The following GALNTL6 variants were observed in gnomAD, a reference collection of about 807,000 sequenced individuals.
The protein encoded by GALNTL6 is polypeptide N-acetylgalactosaminyltransferase-like 6.
Under a neutral mutation model 73.7 loss-of-function variants are expected in GALNTL6, and 46 were observed. The ratio of observed to expected loss-of-function variants is 0.62; its 90% CI spans 0.49 to 0.80. GALNTL6 has a LOEUF of 0.80. Among genes scored for constraint, GALNTL6 ranks in the 30% least tolerant of loss-of-function variants. GALNTL6 has a pLI of 0.00. For synonymous variants in GALNTL6, 259 were observed against 263.7 expected, an observed-to-expected ratio of 0.98 and a Z score of 0.17; for missense variants, 604 against 755.0, an observed-to-expected ratio of 0.80 and a Z score of 2.34.
intron 5 of GALNTL6, among the ~76,000 whole-genome samples, chr4:172,613,557 T>C (rs1026092391): frequency 6.6e-6 from 1 of 151,972 alleles, no homozygotes; most frequent in African/African-American, 2.4e-5. Context: ...TAAGACATGA[T>C]CTAATTTACA....
Position 172,067,688 on chromosome 4 carries a change from C to A in GALNTL6, c.139-161968C>A, listed in dbSNP as rs192364923. Among the ~76,000 whole-genome samples, 7 of 110,540 alleles carry A rather than the reference C, an allele frequency of 6.3e-5. 3 individuals carry two copies. The highest frequency in any genetic ancestry group is 6.8e-5 in the African/African-American group (2 of 29,302). 72.5% of individuals were successfully genotyped at this position (110,540 alleles called of 152,430 possible). A position where few individuals can be genotyped will look rare whatever the true frequency, so the allele number is the denominator to read the frequency against. On this transcript the variant is annotated intron_variant, in intron 2 of 12. Transcript: ENST00000506823. ...ACTTTAACTTTCACTGTTACCCACA[C>A]AATGGGTGGGTTCTATCCTTTGGTG... is the stretch of plus-strand genomic sequence containing the variant.
chr4:171,973,733 A>G (rs992557023), intron 2 of GALNTL6, among the ~76,000 whole-genome samples: 1 of 152,196 alleles, frequency 6.6e-6, no homozygotes, highest in Admixed American at 6.5e-5. Context: ...GAGCAGTGTT[A>G]AAACTTTTGC....
At chr4:172,155,244 C>T (rs1232612314) in intron 2 of GALNTL6, among the ~76,000 whole-genome samples, 14 of 152,090 alleles carry the variant, frequency 9.2e-5, no homozygotes, top group African/African-American at 3.4e-4. Context: ...GTGATCCACC[C>T]GCCTCAGGCT....
At chr4:172,168,010 A>G (rs902766470) in intron 2 of GALNTL6, among the ~76,000 whole-genome samples, 9 of 151,964 alleles carry the variant, frequency 5.9e-5, no homozygotes, top group Admixed American at 3.3e-4. Context: ...GCCAAATCCA[A>G]TGATTCTGTT....
intron 5 of GALNTL6, among the ~76,000 whole-genome samples, chr4:172,645,095 G>A (rs1250206725): frequency 6.6e-6 from 1 of 151,936 alleles, no homozygotes; most frequent in African/African-American, 2.4e-5. Flanking sequence ...CTAGACAGAA[G>A]TCCAGTCCTT....
chr4:172,913,356 G>A (rs999851958), intron 8 of GALNTL6, among the ~76,000 whole-genome samples: 5 of 152,130 alleles, frequency 3.3e-5, no homozygotes, highest in Non-Finnish European at 5.9e-5. Flanking sequence ...GCAGCTCCTC[G>A]CCAGCAACAG....
At chr4:172,558,302 A>G (rs962102721) in intron 5 of GALNTL6, among the ~76,000 whole-genome samples, 1 of 152,236 alleles carries the variant, frequency 6.6e-6, no homozygotes, top group African/African-American at 2.4e-5. Flanking sequence ...GGTGTAAGTT[A>G]AATGAGGGGT....
intron 5 of GALNTL6, among the ~76,000 whole-genome samples, chr4:172,490,654 A>C (rs996112950): frequency 6.6e-6 from 1 of 152,156 alleles, no homozygotes; most frequent in Non-Finnish European, 1.5e-5. Context: ...ATACAATGAA[A>C]TATTCATTTA....
chr4:172,481,093 G>C (rs537751270), intron 5 of GALNTL6, among the ~76,000 whole-genome samples: 4 of 152,152 alleles, frequency 2.6e-5, no homozygotes, highest in African/African-American at 7.2e-5. Flanking sequence ...TGTGTCCGGA[G>C]TTTGTTACTT....
At position 172,755,626 on chromosome 4, in the gene GALNTL6, A is replaced by T. The variant is rs368769175; in HGVS notation, c.554-53735A>T. 6.6e-5 allele frequency among the ~76,000 whole-genome samples: 10 copies of T among 152,356 alleles called. No individual in the cohort carries two copies. In the East Asian group the frequency reaches 1.3e-3, roughly 21 times the overall value. ...ATTTTTAAAATATAGCCTCAAATTC[A>T]TGATAAAACTCCTTGATTCATTTCA... is the stretch of plus-strand genomic sequence containing the variant. On this transcript the variant is annotated intron_variant, in intron 5 of 12. Coordinates refer to ENST00000506823, the MANE Select transcript of GALNTL6 (RefSeq NM_001034845.3).
At chr4:172,739,074 G>C (rs1736641094) in intron 5 of GALNTL6, among the ~76,000 whole-genome samples, 1 of 152,072 alleles carries the variant, frequency 6.6e-6, no homozygotes, top group Non-Finnish European at 1.5e-5. Flanking sequence ...GGTATAGTGA[G>C]GCATATCCCA....
chr4:172,651,140 T>A (rs140694648), intron 5 of GALNTL6, among the ~76,000 whole-genome samples: 1 of 152,212 alleles, frequency 6.6e-6, no homozygotes, highest in Non-Finnish European at 1.5e-5. Flanking sequence ...GTATTGTCCA[T>A]CCACTGGATT....
In GALNTL6 at chr4:172,907,111, GA is replaced by G. The variant is rs1010265200; in HGVS notation, c.1042-24046del. 4.7e-5 allele frequency among the ~76,000 whole-genome samples: 7 copies of G among 150,040 alleles called. No homozygotes were observed. In the South Asian group the frequency reaches 1.3e-3, roughly 27 times the overall value. ...CTGACCAATGACCACAGAAGAAGGA[GA>G]AAATCATTAACAATCTATTTTCTCC... On this transcript the variant is annotated intron_variant, in intron 8 of 12. Coordinates refer to ENST00000506823, the MANE Select transcript of GALNTL6 (RefSeq NM_001034845.3).
chr4:171,961,256 A>G (rs1247358500), intron 2 of GALNTL6, among the ~76,000 whole-genome samples: 2 of 152,152 alleles, frequency 1.3e-5, no homozygotes, highest in Non-Finnish European at 2.9e-5. Context: ...CCTTGGGTAA[A>G]CTGTCTTCAT....
chr4:171,874,024 C>A (rs1243182925), intron 2 of GALNTL6, among the ~76,000 whole-genome samples: 1 of 152,160 alleles, frequency 6.6e-6, no homozygotes, highest in African/African-American at 2.4e-5. Flanking sequence ...GCAGAATTCT[C>A]TCTTTTTATT....
At chr4:173,010,330 A>C (rs1171999325) in intron 11 of GALNTL6, among the ~76,000 whole-genome samples, 1 of 152,240 alleles carries the variant, frequency 6.6e-6, no homozygotes, top group Non-Finnish European at 1.5e-5. Context: ...ATGTTGTTGC[A>C]AATGACAGGA....
At chr4:173,035,229 A>C (rs1414580774) in intron 12 of GALNTL6, among the ~76,000 whole-genome samples, 1 of 138,396 alleles carries the variant, frequency 7.2e-6, no homozygotes, top group Non-Finnish European at 1.5e-5. Flanking sequence ...CCTGGGCTGG[A>C]GTGCAATGGC....
chr4:172,065,964 G>A (rs540194975), intron 2 of GALNTL6, among the ~76,000 whole-genome samples: 3 of 152,262 alleles, frequency 2.0e-5, no homozygotes, highest in East Asian at 1.9e-4. Context: ...CCCTTGACAT[G>A]TGAGGATTAT....
chr4:172,759,713 G>C (rs1737956231), intron 5 of GALNTL6, among the ~76,000 whole-genome samples: 2 of 151,562 alleles, frequency 1.3e-5, no homozygotes, highest in Admixed American at 6.6e-5. Flanking sequence ...AGGAACTAGG[G>C]AAGTGACTTT....
Sources: gnomAD v4.1 joint callset for allele counts (sites outside exome capture counted in the v4.1 genomes callset) on GRCh38, gnomAD v4.1.1 for gene constraint, MANE v1.5 for transcripts, NCBI Gene and HGNC (gene_info 2026-07-23, HGNC 2026-07-21) for gene names.